The following KCNN3 variants were observed in gnomAD, a reference collection of about 807,000 sequenced individuals.
KCNN3 encodes small conductance calcium-activated potassium channel protein 3.
A neutral mutation model predicts 62.9 loss-of-function variants in KCNN3; 16 were observed. That is an observed-to-expected ratio of 0.25 (90% confidence interval 0.17 to 0.39). The LOEUF is 0.39. KCNN3 is among the 10% of genes least tolerant of loss of function. The pLI, the probability that KCNN3 is intolerant of heterozygous loss-of-function variation, is 1.00. For missense variants in KCNN3, 599 were observed against 949.4 expected (o/e 0.63, Z 4.85); for synonymous variants, 370 against 389.2 (o/e 0.95, Z 0.58).
chr1:154,758,568 C>T (rs989607738), intron 3 of KCNN3, among the ~76,000 whole-genome samples: 4 of 152,174 alleles, frequency 2.6e-5, no homozygotes, highest in African/African-American at 9.7e-5. Context: ...TTAGGGCCAG[C>T]AGGCTTCCAG....
intron 1 of KCNN3, chr1:154,868,171 G>T: frequency 5.1e-6 from 5 of 985,516 alleles, no homozygotes; most frequent in Non-Finnish European, 6.0e-6. Context: ...TGTGGGGACC[G>T]CCTGGGAAGC....
At position 154,701,925 on chromosome 1, in the gene KCNN3, T is replaced by C. The variant is rs1345086720; in HGVS notation, c.*6051A>G. ...AATTCTGACATTGTCAAAGGAAAAC[T>C]GGTTGGCTAGGTTTGAGACTTATAT... On this transcript the variant is annotated 3_prime_UTR_variant, in exon 8 of 8. Coordinates refer to ENST00000271915, the MANE Select transcript of KCNN3 (RefSeq NM_002249.6). The C allele has an allele frequency of 6.6e-6, 1 of 152,184 alleles. No individual in the cohort carries two copies. The highest frequency in any genetic ancestry group is 1.5e-5 in the Non-Finnish European group (1 of 68,038). The allele number at this position is 152,184 out of a possible 1,614,324, so 9.4% of individuals were successfully genotyped here. A position where few individuals can be genotyped will look rare whatever the true frequency, so the allele number is the denominator to read the frequency against.
chr1:154,828,514 T>C (rs543110606), intron 1 of KCNN3, among the ~76,000 whole-genome samples: 1 of 152,312 alleles, frequency 6.6e-6, no homozygotes, highest in East Asian at 1.9e-4. Flanking sequence ...TCCTTGTCTC[T>C]TTCTAAATAA....
At chr1:154,789,424 G>C (rs1404135406) in intron 2 of KCNN3, among the ~76,000 whole-genome samples, 2 of 151,046 alleles carry the variant, frequency 1.3e-5, no homozygotes, top group Non-Finnish European at 1.5e-5. Context: ...GGTGGTCGGT[G>C]GGGCAGGGGG....
intron 5 of KCNN3, among the ~76,000 whole-genome samples, chr1:154,720,169 T>C (rs1700317607): frequency 1.3e-5 from 2 of 152,320 alleles, no homozygotes; most frequent in Admixed American, 1.3e-4. Flanking sequence ...GCAAAGTGGA[T>C]CTTGCATAGG....
intron 1 of KCNN3, among the ~76,000 whole-genome samples, chr1:154,861,386 T>C (rs1652765413): frequency 6.6e-6 from 1 of 152,120 alleles, no homozygotes. Context: ...CACTGTGCCC[T>C]CGCCCTGGGC....
chr1:154,769,497 G>A (rs953090477), intron 3 of KCNN3, among the ~76,000 whole-genome samples: 4 of 152,254 alleles, frequency 2.6e-5, no homozygotes, highest in African/African-American at 9.6e-5. Flanking sequence ...TGGAAGCTAT[G>A]GAAGGCCATG....
intron 1 of KCNN3, among the ~76,000 whole-genome samples, chr1:154,857,304 T>G (rs1652576636): frequency 6.6e-6 from 1 of 152,200 alleles, no homozygotes; most frequent in African/African-American, 2.4e-5. Context: ...CTAGGACGCA[T>G]GCTGTTGAGG....
chr1:154,845,067 C>T (rs2101916186), intron 1 of KCNN3, among the ~76,000 whole-genome samples: 1 of 152,194 alleles, frequency 6.6e-6, no homozygotes, highest in Middle Eastern at 3.4e-3. Context: ...CAAATCTAGG[C>T]TCTCTGTATT....
intron 2 of KCNN3, among the ~76,000 whole-genome samples, chr1:154,795,178 C>A (rs891523678): frequency 2.8e-4 from 42 of 152,180 alleles, no homozygotes; most frequent in African/African-American, 1.0e-3. Context: ...TCGCCCAGCC[C>A]CTGTGGTCTG....
intron 2 of KCNN3, among the ~76,000 whole-genome samples, chr1:154,801,869 G>A (rs908862936): frequency 3.9e-5 from 6 of 152,206 alleles, no homozygotes; most frequent in Admixed American, 1.3e-4. Flanking sequence ...CCAAGTCGGG[G>A]CGCGCCAGGA....
intron 2 of KCNN3, among the ~76,000 whole-genome samples, chr1:154,816,605 G>A (rs551017496): frequency 1.3e-4 from 20 of 152,210 alleles, no homozygotes; most frequent in Admixed American, 2.6e-4. Context: ...CATGCCTGGG[G>A]CTCTGAGCCA....
intron 1 of KCNN3, among the ~76,000 whole-genome samples, chr1:154,867,305 A>G (rs1357100052): frequency 6.6e-6 from 1 of 152,188 alleles, no homozygotes; most frequent in Non-Finnish European, 1.5e-5. Flanking sequence ...GGGAATGACT[A>G]AGTGAGCTGC....
At position 154,869,110 on chromosome 1, in the gene KCNN3, GTCAC is replaced by G. The variant is rs1485515951; in HGVS notation, c.851_854del (p.Ser284ThrfsTer4). 2 of 1,614,124 alleles carry G rather than the reference GTCAC, an allele frequency of 1.2e-6. No individual in the cohort carries two copies. Among genetic ancestry groups the G allele is most frequent in the Non-Finnish European group, 1.7e-6 (2 of 1,180,008 alleles). ...CAAACATCCCAAAAATCAGAGCATA[GTCAC>G]TCAGTCGCTTTCTCTTTTCAAACAG... is the stretch of plus-strand genomic sequence containing the variant. On this transcript the variant is annotated frameshift_variant, in exon 1 of 8. Transcript: ENST00000271915. LOFTEE classifies it high-confidence loss of function. The surrounding 1 kb of genome is among the most constrained non-coding windows in gnomAD (Gnocchi z 6.1).
intron 1 of KCNN3, among the ~76,000 whole-genome samples, chr1:154,826,560 G>C (rs973456046): frequency 3.4e-5 from 4 of 119,042 alleles, no homozygotes; most frequent in African/African-American, 1.5e-4. Context: ...TGCCCCGCCT[G>C]TGTCCCAGCA....
chr1:154,839,577 T>A (rs1651740314), intron 1 of KCNN3, among the ~76,000 whole-genome samples: 1 of 91,974 alleles, frequency 1.1e-5, no homozygotes, highest in African/African-American at 2.9e-5. Context: ...AATCCACACC[T>A]GGCTGACGAA....
intron 6 of KCNN3, among the ~76,000 whole-genome samples, chr1:154,713,845 A>G (rs1395109661): frequency 6.6e-6 from 1 of 151,798 alleles, no homozygotes; most frequent in African/African-American, 2.4e-5. Flanking sequence ...GGATTCCCCA[A>G]ACCTCTCCAT....
chr1:154,819,093 A>G (rs1296443570), intron 2 of KCNN3, among the ~76,000 whole-genome samples: 9 of 152,260 alleles, frequency 5.9e-5, no homozygotes, highest in Admixed American at 5.2e-4. Flanking sequence ...CTGCTTCGCA[A>G]CAGGTGAGCA....
chr1:154,745,085 T>A (rs1700911123), intron 3 of KCNN3, among the ~76,000 whole-genome samples: 1 of 152,156 alleles, frequency 6.6e-6, no homozygotes, highest in Non-Finnish European at 1.5e-5. Context: ...CACCCCTCCA[T>A]CCACTTCACC....
Sources: allele counts gnomAD v4.1 joint callset (sites outside exome capture counted in the v4.1 genomes callset), GRCh38; gene constraint gnomAD v4.1.1; non-coding constraint Gnocchi (gnomAD v3.1); transcripts MANE v1.5; gene names NCBI Gene and HGNC (gene_info 2026-07-23, HGNC 2026-07-21).